The following C4orf50 variants were observed in gnomAD, a reference collection of about 807,000 sequenced individuals.
C4orf50 encodes uncharacterized protein C4orf50.
Under a neutral mutation model 77.2 loss-of-function variants are expected in C4orf50, and 80 were observed. That is an observed-to-expected ratio of 1.04 (90% confidence interval 0.87 to 1.25). The LOEUF (loss-of-function observed/expected upper bound fraction) is 1.25. C4orf50 is among the 50% of genes most tolerant of loss of function. The probability of loss-of-function intolerance (pLI) is 0.00; values close to 1 mark genes in which losing one functional copy is unlikely to be tolerated. For missense variants in C4orf50, 1,257 were observed against 1,152.9 expected, an observed-to-expected ratio of 1.09 and a Z score of -1.31; for synonymous variants, 532 against 465.3, an observed-to-expected ratio of 1.14 and a Z score of -1.84.
intron 25 of C4orf50, among the ~76,000 whole-genome samples, chr4:6,005,963 C>T (rs1722234918): frequency 6.6e-6 from 1 of 152,142 alleles, no homozygotes; most frequent in South Asian, 2.1e-4. Context: ...AGCCTAAAGT[C>T]TTACGTTTAG....
At chr4:5,937,299 A>T (rs1170707172) in intron 7 of C4orf50, among the ~76,000 whole-genome samples, 1 of 152,222 alleles carries the variant, frequency 6.6e-6, no homozygotes, top group Non-Finnish European at 1.5e-5. Context: ...GGGAGGTATG[A>T]AAATTAAAGC....
intron 7 of C4orf50, among the ~76,000 whole-genome samples, chr4:5,930,783 G>A (rs561219076): frequency 2.1e-4 from 32 of 152,334 alleles, no homozygotes; most frequent in Middle Eastern, 3.4e-3. Flanking sequence ...CTGGGAGCAC[G>A]TGAGCACCAT....
At chr4:6,004,075 ATGATG>A (rs1722038160) in intron 25 of C4orf50, among the ~76,000 whole-genome samples, 25 of 62,474 alleles carry the variant, frequency 4.0e-4, no homozygotes, top group Middle Eastern at 0.018. Flanking sequence ...GGTGATGGTG[ATGATG>A]TGATAGTGAT....
At chr4:5,926,200 T>A (rs12646642) in intron 7 of C4orf50, among the ~76,000 whole-genome samples, 53,301 of 152,136 alleles carry the variant, frequency 0.35, 10,380 homozygotes, top group East Asian at 0.76. Flanking sequence ...GTTCATCAGC[T>A]GGTGAATGGA....
At chr4:5,940,494 T>G (rs1407608414) in intron 7 of C4orf50, among the ~76,000 whole-genome samples, 1 of 152,216 alleles carries the variant, frequency 6.6e-6, no homozygotes, top group African/African-American at 2.4e-5. Flanking sequence ...AGTGAAGTCC[T>G]CGCCTCAACA....
chr4:5,993,211 C>G (rs894236194), intron 26 of C4orf50, among the ~76,000 whole-genome samples: 1 of 152,194 alleles, frequency 6.6e-6, no homozygotes, highest in African/African-American at 2.4e-5. Context: ...ATCCACCAAA[C>G]CTTTCTAAGC....
chr4:6,015,501 C>T lies in C4orf50; in HGVS notation c.287+2644G>A, dbSNP rs538235672. Among the ~76,000 whole-genome samples the T allele has an allele frequency of 9.4e-5, 12 of 128,250 alleles. 1 individual carries two copies. Among genetic ancestry groups the T allele is most frequent in the Non-Finnish European group, 1.3e-4 (8 of 61,192 alleles). 84.1% of individuals were successfully genotyped at this position (128,250 alleles called of 152,430 possible). On this transcript the variant is annotated intron_variant, in intron 23 of 33. Coordinates refer to ENST00000531445, the Ensembl canonical transcript of C4orf50. The surrounding 1 kb of genome is among the most constrained non-coding windows in gnomAD (Gnocchi z 4.4). The stretch of plus-strand genomic sequence containing the variant: ...CCCAGGTCTGCAAATAATGCCATTT[C>T]ATTATAATGTTGATGAGAAAAAAAA...
At chr4:5,986,935 C>A (rs1021952570) in intron 28 of C4orf50, among the ~76,000 whole-genome samples, 2 of 152,084 alleles carry the variant, frequency 1.3e-5, no homozygotes, top group African/African-American at 4.8e-5. Context: ...TACCTCTAAT[C>A]CTTAGAAACT....
At chr4:5,920,604 G>A (rs551938274) in intron 7 of C4orf50, among the ~76,000 whole-genome samples, 1 of 150,844 alleles carries the variant, frequency 6.6e-6, no homozygotes, top group Non-Finnish European at 1.5e-5. Context: ...ACCCTCCCAA[G>A]TAGCTGGGAC....
chr4:6,009,596 G>A lies in C4orf50; in HGVS notation c.427-1064C>T, dbSNP rs910224587. On this transcript the variant is annotated intron_variant, in intron 24 of 33. Transcript: ENST00000531445. The surrounding 1 kb of genome is among the most constrained non-coding windows in gnomAD (Gnocchi z 5.6). ...GGTGGAGGGATTTCAGAGCCTAGAT[G>A]GTCTGCCTTTGACAGCTTTCAGAAT... Among the ~76,000 whole-genome samples the A allele has an allele frequency of 3.9e-5, 6 of 152,172 alleles. No individual in the cohort carries two copies. Among genetic ancestry groups the A allele is most frequent in the Non-Finnish European group, 8.8e-5 (6 of 68,042 alleles).
chr4:5,959,603 C>T (rs775097076), exon 34 of C4orf50: 12 of 1,613,840 alleles, frequency 7.4e-6, no homozygotes, highest in Admixed American at 6.7e-5. Context: ...CAGGATCAAG[C>T]GTGGACACCA....
intron 7 of C4orf50, among the ~76,000 whole-genome samples, chr4:5,933,982 G>C (rs571320891): frequency 6.6e-6 from 1 of 152,254 alleles, no homozygotes; most frequent in South Asian, 2.1e-4. Flanking sequence ...AGCAGGAAGA[G>C]AGAGAAGGGT....
At chr4:5,898,921 A>C (rs1234824608) in intron 7 of C4orf50, 1 of 152,254 alleles carries the variant, frequency 6.6e-6, no homozygotes, top group East Asian at 1.9e-4. Context: ...CATTACATTT[A>C]CACTAAAAAT....
At chr4:5,934,832 CAA>C (rs1254108167) in intron 7 of C4orf50, among the ~76,000 whole-genome samples, 1 of 152,218 alleles carries the variant, frequency 6.6e-6, no homozygotes, top group Non-Finnish European at 1.5e-5. Flanking sequence ...AGGAACCAGG[CAA>C]AGTGTCTTTC....
chr4:5,946,490 A>G (rs1357362137), intron 7 of C4orf50, among the ~76,000 whole-genome samples: 1 of 152,264 alleles, frequency 6.6e-6, no homozygotes, highest in Non-Finnish European at 1.5e-5. Context: ...AGACATGCTC[A>G]CAGGCATGTA....
Position 5,944,047 on chromosome 4 carries a change from C to G in C4orf50, c.*2474+12854G>C, listed in dbSNP as rs550773072. 6.6e-5 allele frequency among the ~76,000 whole-genome samples: 10 copies of G among 152,300 alleles called. No individual in the cohort carries two copies. The South Asian group carries it at 1.2e-3, about 19-fold the overall frequency. Reference sequence around the variant, plus strand: ...GGCCTCTGGCAGCCCCCATCTGAACCCTGTCTCTCTTGCCACATGTCTCTG... The same window carrying G: ...GGCCTCTGGCAGCCCCCATCTGAACGCTGTCTCTCTTGCCACATGTCTCTG... On this transcript the variant is annotated intron_variant, in intron 7 of 7. Coordinates refer to the C4orf50 transcript ENST00000324058.
At position 5,936,966 on chromosome 4, in the gene C4orf50, C is replaced by A. The variant is rs147693709; in HGVS notation, c.*2474+19935G>T. Among the ~76,000 whole-genome samples the A allele has an allele frequency of 3.5e-3, 532 of 151,546 alleles. 4 individuals are homozygous for A. The highest frequency in any genetic ancestry group is 0.012 in the African/African-American group (492 of 41,326). The stretch of plus-strand genomic sequence containing the variant: ...AGACAGTGGAATAGCATTGTCATAC[C>A]ACCAAGAAGAAATAATAGAGAATCT... On this transcript the variant is annotated intron_variant, in intron 7 of 7. Transcript: ENST00000324058.
chr4:5,969,259 G>A (rs1719763481), intron 31 of C4orf50, among the ~76,000 whole-genome samples: 2 of 152,052 alleles, frequency 1.3e-5, no homozygotes, highest in Non-Finnish European at 2.9e-5. Context: ...AGGAGTTAAA[G>A]AGAAAATAAT....
exon 28 of C4orf50, chr4:5,989,117 G>C (rs1405712863): frequency 1.3e-6 from 2 of 1,535,736 alleles, no homozygotes; most frequent in Admixed American, 3.9e-5. Flanking sequence ...TGGTTATCCC[G>C]CTCGAGCCTG....
Sources: gnomAD v4.1 joint callset for allele counts (sites outside exome capture counted in the v4.1 genomes callset) on GRCh38, gnomAD v4.1.1 for gene constraint, Gnocchi (gnomAD v3.1) non-coding constraint, MANE v1.5 for transcripts, NCBI Gene and HGNC (gene_info 2026-07-23, HGNC 2026-07-21) for gene names.